HADHA: variants seen among roughly 807,000 people sequenced by gnomAD.
The protein encoded by HADHA is hydroxyacyl-CoA dehydrogenase trifunctional multienzyme complex subunit alpha.
Under a neutral mutation model 91.3 loss-of-function variants are expected in HADHA, and 59 were observed. That is an observed-to-expected ratio of 0.65 (90% CI 0.52 to 0.80). The LOEUF is 0.80. Ranked by LOEUF, HADHA falls within the 30% of genes least tolerant of loss-of-function variation. HADHA has a pLI of 0.00. For synonymous variants in HADHA, 320 were observed against 338.9 expected, an observed-to-expected ratio of 0.94 and a Z score of 0.61; for missense variants, 800 against 927.6, an observed-to-expected ratio of 0.86 and a Z score of 1.79.
intron 12 of HADHA, among the ~76,000 whole-genome samples, chr2:26,203,362 C>T (rs1027233061): frequency 6.6e-6 from 1 of 152,320 alleles, no homozygotes; most frequent in East Asian, 1.9e-4. Flanking sequence ...GAAAACTGAT[C>T]AAACCAACCC....
chr2:26,191,434 C>T (rs1669498272), intron 19 of HADHA, 39 bp from the exon 20 acceptor site: 1 of 1,614,038 alleles, frequency 6.2e-7, no homozygotes. Flanking sequence ...GGAGACGCAA[C>T]ACGGGCTCCA....
Position 26,212,916 on chromosome 2 carries a change from T to C in HADHA, c.919-290A>G, listed in dbSNP as rs185427151. On this transcript the variant is annotated intron_variant, in intron 9 of 19. Coordinates refer to ENST00000380649, the MANE Select transcript of HADHA (RefSeq NM_000182.5). ...TTCAAATGTAGGCAGATCCTCAACT[T>C]CCACTTTCAGCCCTTTTCACTCTCT... Among the ~76,000 whole-genome samples the C allele has an allele frequency of 1.6e-4, 24 of 152,298 alleles. No individual in the cohort carries two copies. In the East Asian group the frequency reaches 3.9e-3, roughly 24 times the overall value.
At chr2:26,204,911 T>C (rs1476535060) in intron 11 of HADHA, among the ~76,000 whole-genome samples, 2 of 152,200 alleles carry the variant, frequency 1.3e-5, no homozygotes, top group African/African-American at 4.8e-5. Flanking sequence ...AATCTGTGCC[T>C]TTATCACTCC....
rs1670588078 is a variant in HADHA, at chr2:26,230,204, C to T, written c.664G>A (p.Val222Met). Residue 222 changes from valine to methionine, a missense_variant, in exon 7 of 20, where the codon GTG becomes ATG. Val to Met is a conservative substitution (Grantham distance 21, BLOSUM62 1). Transcript: ENST00000380649. ...AKKMGLVDQLVEPLGPGLKPP... is the reference protein window; with the variant it reads ...AKKMGLVDQLMEPLGPGLKPP... ...TGCTAACACTTACCCAGGGGTTCCA[C>T]CAGTTGGTCAACCAGTCCCATTTTC... 1 of 1,598,394 alleles carries T rather than the reference C, an allele frequency of 6.3e-7. No homozygotes were observed. The highest frequency in any genetic ancestry group is 8.6e-7 in the Non-Finnish European group (1 of 1,165,788).
rs775432010 is a variant in HADHA at position 26,201,156 on chromosome 2, A to C, written c.1385T>G (p.Val462Gly). 6.2e-7 allele frequency: 1 copy of C among 1,611,632 alleles called. No homozygotes were observed. The highest frequency in any genetic ancestry group is 8.5e-7 in the Non-Finnish European group (1 of 1,177,722). ...LSLKHRVLKE[V>G]EAVIPDHCIF... The stretch of plus-strand genomic sequence containing the variant: ...CAACAGCCCCTTGCTTACCGCTTCT[A>C]CTTCCTTTAGCACTCTGTGCTTAAG... Residue 462 changes from valine (V) to glycine (G), a missense_variant, in exon 13 of 20, where the codon GTA becomes GGA. Transcript: ENST00000380649.
At chr2:26,230,514 T>C (rs1345433128) in intron 6 of HADHA, among the ~76,000 whole-genome samples, 2 of 152,190 alleles carry the variant, frequency 1.3e-5, no homozygotes, top group African/African-American at 4.8e-5. Flanking sequence ...AATGTCTTTA[T>C]CTCTTAATTC....
chr2:26,213,989 A>T (rs1454897609), intron 9 of HADHA, among the ~76,000 whole-genome samples: 1 of 152,206 alleles, frequency 6.6e-6, no homozygotes, highest in Non-Finnish European at 1.5e-5. Context: ...ATTCTCATTG[A>T]TCTTTTGCAG....
Position 26,215,046 on chromosome 2 carries a change from TACTC to T in HADHA, c.799+3_799+6del. 6.2e-7 allele frequency: 1 copy of T among 1,608,208 alleles called. No homozygotes were observed. The highest frequency in any genetic ancestry group is 8.5e-7 in the Non-Finnish European group (1 of 1,174,620). On this transcript the variant is annotated splice_donor_5th_base_variant and intron_variant, in intron 8 of 19. Coordinates refer to ENST00000380649, the MANE Select transcript of HADHA (RefSeq NM_000182.5). ...CTTTGCCTTTGTTCTTTAACAATGATACTCACTTTCCACCAATCCCTTGTCTCTC... is the reference window on the plus strand; with the variant it reads ...CTTTGCCTTTGTTCTTTAACAATGATACTTTCCACCAATCCCTTGTCTCTC...
intron 5 of HADHA, among the ~76,000 whole-genome samples, chr2:26,233,024 C>A (rs940572211): frequency 2.6e-5 from 4 of 152,114 alleles, no homozygotes; most frequent in African/African-American, 9.7e-5. Flanking sequence ...AATCATCAGG[C>A]AATAGAGGCC....
At chr2:26,208,432 C>G (rs1670018813) in intron 11 of HADHA, among the ~76,000 whole-genome samples, 1 of 152,044 alleles carries the variant, frequency 6.6e-6, no homozygotes, top group Admixed American at 6.5e-5. Flanking sequence ...CAGGAGGAGT[C>G]TGGAGTTAAT....
chr2:26,236,765 T>G (rs1670770994), intron 4 of HADHA, 90 bp downstream of exon 4: 1 of 1,027,348 alleles, frequency 9.7e-7, no homozygotes, highest in South Asian at 1.3e-5. Flanking sequence ...GCCCAGCACT[T>G]CTACTTTCTT....
At chr2:26,206,226 A>ATT (rs35956519) in intron 11 of HADHA, among the ~76,000 whole-genome samples, 88 of 139,570 alleles carry the variant, frequency 6.3e-4, no homozygotes, top group South Asian at 2.5e-3. Context: ...CAGACTGGCA[A>ATT]TTTTTTTTTT....
At chr2:26,240,198 C>T (rs184062560) in intron 1 of HADHA, among the ~76,000 whole-genome samples, 4 of 152,254 alleles carry the variant, frequency 2.6e-5, no homozygotes, top group African/African-American at 9.6e-5. Context: ...TTTCACCAAC[C>T]ACATTGTAAT....
chr2:26,209,946 T>C, intron 10 of HADHA, 57 bp from the exon 11 acceptor site: 5 of 911,620 alleles, frequency 5.5e-6, no homozygotes, highest in Non-Finnish European at 9.2e-6. Context: ...GTTATATGGA[T>C]TCCTTCAGTT....
intron 7 of HADHA, among the ~76,000 whole-genome samples, chr2:26,222,784 G>A (rs993102864): frequency 6.6e-6 from 1 of 152,132 alleles, no homozygotes; most frequent in African/African-American, 2.4e-5. Flanking sequence ...CCATGCTCAC[G>A]AAACACTGAT....
chr2:26,227,479 T>C (rs1232116807), intron 7 of HADHA, among the ~76,000 whole-genome samples: 1 of 150,204 alleles, frequency 6.7e-6, no homozygotes, highest in Non-Finnish European at 1.5e-5. Flanking sequence ...TCCACTGCAC[T>C]CCAGCCTGGG....
At chr2:26,212,025 G>A (rs1202937468) in intron 10 of HADHA, 1 of 158,204 alleles carries the variant, frequency 6.3e-6, no homozygotes, top group African/African-American at 2.4e-5. Context: ...GCCCTTCGTA[G>A]AGACAACCTT....
At chr2:26,209,124 C>T (rs1206080196) in intron 11 of HADHA, among the ~76,000 whole-genome samples, 1 of 152,122 alleles carries the variant, frequency 6.6e-6, no homozygotes, top group Non-Finnish European at 1.5e-5. Flanking sequence ...CTGGCCTCCA[C>T]CCACAGATGC....
chr2:26,225,685 T>C (rs1670470129), intron 7 of HADHA, among the ~76,000 whole-genome samples: 1 of 152,090 alleles, frequency 6.6e-6, no homozygotes, highest in Non-Finnish European at 1.5e-5. Context: ...CATGACAAAA[T>C]TCAATACTCA....
Sources: allele counts gnomAD v4.1 joint callset (sites outside exome capture counted in the v4.1 genomes callset), GRCh38; gene constraint gnomAD v4.1.1; transcripts MANE v1.5; gene names NCBI Gene and HGNC (gene_info 2026-07-23, HGNC 2026-07-21).